NAGPA: variants seen among roughly 807,000 people sequenced by gnomAD.
NAGPA encodes alpha-N-acetylglucosaminyl phosphodiesterase.
In NAGPA, 56 loss-of-function variants were observed where a neutral mutation model predicts 48.5. The ratio of observed to expected loss-of-function variants is 1.15; its 90% CI spans 0.93 to 1.44. The LOEUF (loss-of-function observed/expected upper bound fraction) is 1.44, where lower values mean the gene tolerates loss of function less well. Ranked by LOEUF, NAGPA falls within the 40% of genes most tolerant of loss-of-function variation. The probability of loss-of-function intolerance (pLI) is 0.00; values close to 1 mark genes in which losing one functional copy is unlikely to be tolerated. For missense variants in NAGPA, 888 were observed against 735.0 expected (o/e 1.21, Z -2.41); for synonymous variants, 399 against 315.5 (o/e 1.26, Z -2.81).
chr16:5,025,818 G>A (rs1228380348), intron 9 of NAGPA, 133 bp from the exon 10 acceptor site: 5 of 905,232 alleles, frequency 5.5e-6, no homozygotes, highest in Admixed American at 2.1e-5. Flanking sequence ...CACAGGGAAT[G>A]TTATGAGCAA....
At chr16:5,025,895 G>A (rs550035843) in intron 9 of NAGPA, among the ~76,000 whole-genome samples, 4 of 152,090 alleles carry the variant, frequency 2.6e-5, no homozygotes, top group South Asian at 2.1e-4. Flanking sequence ...CAGTCATGAC[G>A]TACAATGCAG....
At position 5,028,069 on chromosome 16, in the gene NAGPA, T is replaced by C; in HGVS notation, c.1037A>G (p.Gln346Arg). The change falls in exon 6 of 10, where the codon CAA (glutamine) becomes CGA (arginine). Residue 346 changes from glutamine to arginine, a missense_variant. Transcript: ENST00000312251. ...ACCCCGCCAGAAGTGCCCGGTGCAT[T>C]GGCAGTGCCCGTCCACGCAGGTCCC... ...GHGTCVDGHC[Q>R]CTGHFWRGPG... 1.9e-6 allele frequency: 3 copies of C among 1,613,616 alleles called. No homozygotes were observed. The highest frequency in any genetic ancestry group is 1.7e-6 in the Non-Finnish European group (2 of 1,179,898).
Position 5,028,058 on chromosome 16 carries a change from G to A in NAGPA, c.1048C>T (p.His350Tyr), listed in dbSNP as rs1220357557. The change falls in exon 6 of 10, where the codon CAC becomes TAC. Residue 350 changes from histidine (H) to tyrosine (Y), a missense_variant. Coordinates refer to ENST00000312251, the MANE Select transcript of NAGPA (RefSeq NM_016256.4). ...TCACAGCCGGGACCCCGCCAGAAGTGCCCGGTGCATTGGCAGTGCCCGTCC... is the reference window on the plus strand; with the variant it reads ...TCACAGCCGGGACCCCGCCAGAAGTACCCGGTGCATTGGCAGTGCCCGTCC... ...CVDGHCQCTG[H>Y]FWRGPGCDEL... 1 of 1,613,788 alleles carries A rather than the reference G, an allele frequency of 6.2e-7. No individual in the cohort carries two copies. Among genetic ancestry groups the A allele is most frequent in the Non-Finnish European group, 8.5e-7 (1 of 1,179,924 alleles).
At chr16:5,031,653 T>C in intron 3 of NAGPA, 92 bp downstream of exon 3, 1 of 1,555,156 alleles carries the variant, frequency 6.4e-7, no homozygotes, top group Non-Finnish European at 8.9e-7. Context: ...AAGTAGCTGC[T>C]CAATACTTGT....
At chr16:5,032,000 A>T (rs1351926055) in intron 2 of NAGPA, 116 bp from the exon 3 acceptor site, 2 of 1,378,368 alleles carry the variant, frequency 1.5e-6, no homozygotes, top group Non-Finnish European at 2.0e-6. Context: ...TGCCCCAGGA[A>T]CCTCCTGGGG....
chr16:5,028,838 C>A, intron 5 of NAGPA, 42 bp downstream of exon 5: 1 of 1,613,298 alleles, frequency 6.2e-7, no homozygotes, highest in South Asian at 1.1e-5. Flanking sequence ...CTGGGGCAGA[C>A]CTGGACTTCA....
intron 4 of NAGPA, chr16:5,029,535 C>T (rs1956064710): frequency 5.0e-6 from 1 of 199,192 alleles, no homozygotes; most frequent in Admixed American, 5.3e-5. Context: ...CCCTGCCTAA[C>T]CAGCATCTTG....
At chr16:5,030,123 T>C in intron 4 of NAGPA, 2 of 568,942 alleles carry the variant, frequency 3.5e-6, no homozygotes, top group Non-Finnish European at 6.3e-6. Flanking sequence ...ATCTTCTCCC[T>C]GCTCACTTTG....
At chr16:5,030,619 G>A (rs945036236) in intron 3 of NAGPA, 126 bp from the exon 4 acceptor site, 74 of 800,184 alleles carry the variant, frequency 9.2e-5, no homozygotes, top group Admixed American at 1.6e-4. Flanking sequence ...CTCCTTGCTC[G>A]TCTCCCTGCC....
intron 4 of NAGPA, 190 bp from the exon 5 acceptor site, chr16:5,029,198 T>A: frequency 1.1e-6 from 1 of 908,522 alleles, no homozygotes; most frequent in Non-Finnish European, 1.7e-6. Context: ...ATGCCTGTGC[T>A]GTTACATGGC....
chr16:5,029,051 C>A (rs758792696), intron 4 of NAGPA, 43 bp from the exon 5 acceptor site: 14 of 1,607,678 alleles, frequency 8.7e-6, no homozygotes, highest in Middle Eastern at 1.7e-4. Flanking sequence ...CGCCCACCAT[C>A]ATTTCTCATT....
rs1596657801 is a variant in NAGPA, at chr16:5,025,412, C to T, written c.*66G>A. ...TCCACGCCAGTGGCCTTGAAATTTC[C>T]CCTGCAGAAGCCAGACCGTGGGGAA... On this transcript the variant is annotated 3_prime_UTR_variant, in exon 10 of 10. Coordinates refer to ENST00000312251, the MANE Select transcript of NAGPA (RefSeq NM_016256.4). 6.3e-7 allele frequency: 1 copy of T among 1,585,700 alleles called. No homozygotes were observed. Among genetic ancestry groups the T allele is most frequent in the East Asian group, 2.2e-5 (1 of 44,624 alleles).
chr16:5,027,864 C>T lies in NAGPA; in HGVS notation c.1156G>A (p.Gly386Arg), dbSNP rs111884194. The T allele has an allele frequency of 8.2e-5, 129 of 1,569,912 alleles. No individual in the cohort carries two copies. Among genetic ancestry groups the T allele is most frequent in the Admixed American group, 1.7e-4 (9 of 53,164 alleles). The change falls in exon 7 of 10, where the codon GGG becomes AGG. Residue 386 changes from glycine (G) to arginine (R), a missense_variant. Coordinates refer to ENST00000312251, the MANE Select transcript of NAGPA (RefSeq NM_016256.4). ...TGCRCDAGWT[G>R]SNCSEECPLG... is the part of the protein sequence containing the mutation. The stretch of plus-strand genomic sequence containing the variant: ...CTCCTACCTTCACTGCAGTTGGACC[C>T]GGTCCATCCGGCATCACAGCGGCAG...
In NAGPA at chr16:5,027,972, C is replaced by A. The variant is rs1261320605; in HGVS notation, c.1126+8G>T. 2 of 1,613,798 alleles carry A rather than the reference C, an allele frequency of 1.2e-6. No homozygotes were observed. Among genetic ancestry groups the A allele is most frequent in the South Asian group, 2.2e-5 (2 of 91,072 alleles). On this transcript the variant is annotated splice_region_variant and intron_variant, in intron 6 of 9. Transcript: ENST00000312251. ...GGGCAGAGCCCCCTCCCCAGAACCC[C>A]CACTCACTCTCCGTGCACAGTCCGT... is the stretch of plus-strand genomic sequence containing the variant.
intron 8 of NAGPA, 28 bp from the exon 9 acceptor site, chr16:5,027,226 G>A (rs751548835): frequency 1.2e-6 from 2 of 1,614,120 alleles, no homozygotes; most frequent in African/African-American, 2.7e-5. Context: ...CAGGCTGAAG[G>A]GGCCGGAGCA....
chr16:5,027,523 T>C (rs1956024126), intron 7 of NAGPA, 144 bp from the exon 8 acceptor site: 2 of 870,368 alleles, frequency 2.3e-6, no homozygotes, highest in Non-Finnish European at 3.7e-6. Context: ...CTGCCCTCCC[T>C]GGACTAGCCC....
chr16:5,032,762 C>G (rs1398167316), intron 2 of NAGPA, among the ~76,000 whole-genome samples: 8 of 152,040 alleles, frequency 5.3e-5, no homozygotes, highest in Non-Finnish European at 1.2e-4. Flanking sequence ...CACAAGCCCC[C>G]CTGAGCCTCT....
chr16:5,031,777 T>A lies in NAGPA; in HGVS notation c.650A>T (p.Gln217Leu). ...CTGTGTCTCGTCACACTCTGTGGCT[T>A]GGCTCTCGTTGATGTAGATGCTTCC... is the stretch of plus-strand genomic sequence containing the variant. Reference protein sequence around the residue: ...RNGSIYINESQATECDETQET... With the variant: ...RNGSIYINESLATECDETQET... Residue 217 changes from glutamine (Q) to leucine (L), a missense_variant, in exon 3 of 10, where the codon CAA becomes CTA. By Grantham distance (113) the Gln-to-Leu change is moderately radical (BLOSUM62 -2). Coordinates refer to ENST00000312251, the MANE Select transcript of NAGPA (RefSeq NM_016256.4). 6.2e-7 allele frequency: 1 copy of A among 1,614,168 alleles called. No individual in the cohort carries two copies. Among genetic ancestry groups the A allele is most frequent in the South Asian group, 1.1e-5 (1 of 91,084 alleles).
Position 5,033,343 on chromosome 16 carries a change from G to A in NAGPA, c.472C>T (p.Arg158Trp), listed in dbSNP as rs1956138813. 5 of 1,597,778 alleles carry A rather than the reference G, an allele frequency of 3.1e-6. No individual in the cohort carries two copies. Among genetic ancestry groups the A allele is most frequent in the Non-Finnish European group, 4.2e-6 (5 of 1,179,588 alleles). Residue 158 changes from arginine (R) to tryptophan (W), a missense_variant, in exon 2 of 10, where the codon CGG becomes TGG. Coordinates refer to ENST00000312251, the MANE Select transcript of NAGPA (RefSeq NM_016256.4). This position sits in a 1 kb window ranked among gnomAD's most constrained non-coding sequence, Gnocchi z 4.2. ...CLGNVVSDER[R>W]VSSSGGLQNA... is the part of the protein sequence containing the mutation. Reference sequence around the variant, plus strand: ...TGCAGCCCCCCGGAGCTGCTCACCCGCCGCTCGTCGCTCACCACGTTCCCC... The same window carrying A: ...TGCAGCCCCCCGGAGCTGCTCACCCACCGCTCGTCGCTCACCACGTTCCCC...
Sources: allele counts gnomAD v4.1 joint callset (sites outside exome capture counted in the v4.1 genomes callset), GRCh38; gene constraint gnomAD v4.1.1; non-coding constraint Gnocchi (gnomAD v3.1); transcripts MANE v1.5; gene names NCBI Gene and HGNC (gene_info 2026-07-23, HGNC 2026-07-21).